DAB1: variants seen among roughly 807,000 people sequenced by gnomAD.
DAB1 encodes the protein disabled homolog 1.
In DAB1, 15 loss-of-function variants were observed where a neutral mutation model predicts 64.6. The ratio of observed to expected loss-of-function variants is 0.23; its 90% confidence interval spans 0.16 to 0.36. The LOEUF (loss-of-function observed/expected upper bound fraction) is 0.36. DAB1 is among the 10% of genes least tolerant of loss of function. DAB1 has a pLI of 1.00. For synonymous variants in DAB1, 235 were observed against 251.9 expected, an observed-to-expected ratio of 0.93 and a Z score of 0.64; for missense variants, 596 against 706.7, an observed-to-expected ratio of 0.84 and a Z score of 1.78.
At position 58,270,594 on chromosome 1, in the gene DAB1, A is replaced by C. The variant is rs1302305060; in HGVS notation, n.309+72758T>G. Reference sequence around the variant, plus strand: ...GGTAGCTTGATGGGGATGGCATTGAATCTGTAAATTACCTTGGGCAGTATG... The same window carrying C: ...GGTAGCTTGATGGGGATGGCATTGACTCTGTAAATTACCTTGGGCAGTATG... On this transcript the variant is annotated intron_variant and non_coding_transcript_variant, in intron 4 of 20. Coordinates refer to the DAB1 transcript ENST00000485760. 1.9e-3 allele frequency among the ~76,000 whole-genome samples: 85 copies of C among 44,098 alleles called. 4 individuals carry two copies. Among genetic ancestry groups the C allele is most frequent in the African/African-American group, 6.9e-3 (79 of 11,388 alleles). 28.9% of individuals were successfully genotyped at this position (44,098 alleles called of 152,430 possible). A position where few individuals can be genotyped will look rare whatever the true frequency, so the allele number is the denominator to read the frequency against.
At chr1:58,250,366 G>A (rs990712300) in intron 4 of DAB1, among the ~76,000 whole-genome samples, 2 of 152,234 alleles carry the variant, frequency 1.3e-5, no homozygotes, top group African/African-American at 2.4e-5. Context: ...CAGGGCGCGC[G>A]GGAGACGCCG....
intron 4 of DAB1, among the ~76,000 whole-genome samples, chr1:57,102,628 C>A (rs1367067655): frequency 1.3e-5 from 2 of 152,130 alleles, no homozygotes; most frequent in East Asian, 3.9e-4. Context: ...CTATTTTCAT[C>A]GAGAAGGCTT....
chr1:58,539,372 T>C (rs1646567965), intron 1 of DAB1: 3 of 697,810 alleles, frequency 4.3e-6, no homozygotes, highest in Non-Finnish European at 7.2e-6. Flanking sequence ...ACTGGGACTA[T>C]AACACTTATT....
chr1:58,488,459 C>T (rs1557437301), intron 3 of DAB1, among the ~76,000 whole-genome samples: 1 of 151,086 alleles, frequency 6.6e-6, no homozygotes, highest in Non-Finnish European at 1.5e-5. Flanking sequence ...AATGTGTAGT[C>T]TTTTTTTTTG....
intron 5 of DAB1, among the ~76,000 whole-genome samples, chr1:58,091,115 C>G (rs1487175968): frequency 6.6e-6 from 1 of 152,184 alleles, no homozygotes; most frequent in Non-Finnish European, 1.5e-5. Context: ...TCCTTAGCCC[C>G]CTCCGGCTCC....
intron 5 of DAB1, among the ~76,000 whole-genome samples, chr1:58,118,596 CT>C (rs60318604): frequency 0.012 from 1,295 of 104,594 alleles, 35 homozygotes; most frequent in East Asian, 0.04. Context: ...ATATAAAATA[CT>C]ATATATATAT....
chr1:57,792,113 G>C (rs1650629506), intron 6 of DAB1, among the ~76,000 whole-genome samples: 1 of 152,124 alleles, frequency 6.6e-6, no homozygotes. Flanking sequence ...GTTGAATGTG[G>C]ACTTGAAAAA....
At chr1:58,391,851 A>C (rs1644478435) in intron 3 of DAB1, among the ~76,000 whole-genome samples, 3 of 152,246 alleles carry the variant, frequency 2.0e-5, no homozygotes, top group Admixed American at 2.0e-4. Context: ...AACTCTGTGA[A>C]TATCCTAAAA....
Position 58,056,169 on chromosome 1 carries a change from C to T in DAB1, n.387+94342G>A, listed in dbSNP as rs373595857. On this transcript the variant is annotated intron_variant and non_coding_transcript_variant, in intron 5 of 20. Transcript: ENST00000485760. The stretch of plus-strand genomic sequence containing the variant: ...TTGGTGGGGGACGTGGGGCAGCACC[C>T]GCAGGTCTAAATCGGGATGGGGGTG... 94 of 1,523,086 alleles carry T rather than the reference C, an allele frequency of 6.2e-5. No individual in the cohort carries two copies. In the African/African-American group the frequency reaches 1.0e-3, roughly 16 times the overall value. 94.3% of individuals were successfully genotyped at this position (1,523,086 alleles called of 1,614,324 possible).
chr1:58,288,019 C>CAAA (rs763850453), intron 4 of DAB1, among the ~76,000 whole-genome samples: 1,217 of 21,908 alleles, frequency 0.056, 103 homozygotes, highest in Non-Finnish European at 0.074. Flanking sequence ...AAGACTGCCT[C>CAAA]AAAAAAAAAA....
At chr1:57,206,445 A>T (rs1665543283) in intron 2 of DAB1, among the ~76,000 whole-genome samples, 2 of 152,224 alleles carry the variant, frequency 1.3e-5, no homozygotes, top group African/African-American at 4.8e-5. Flanking sequence ...GATTCTATTA[A>T]AAAAGGCAGT....
intron 5 of DAB1, among the ~76,000 whole-genome samples, chr1:57,998,162 G>A (rs758740385): frequency 4.6e-5 from 7 of 152,116 alleles, no homozygotes; most frequent in South Asian, 4.1e-4. Context: ...ATAAACACAC[G>A]TAGGTATAGG....
intron 6 of DAB1, among the ~76,000 whole-genome samples, chr1:57,678,067 T>C (rs1646589393): frequency 6.6e-6 from 1 of 152,174 alleles, no homozygotes; most frequent in South Asian, 2.1e-4. Flanking sequence ...AAAAGCTTCC[T>C]AAGTGATTCT....
At chr1:57,630,444 C>T (rs1240741967) in intron 7 of DAB1, among the ~76,000 whole-genome samples, 4 of 152,022 alleles carry the variant, frequency 2.6e-5, no homozygotes, top group Admixed American at 6.6e-5. Flanking sequence ...ATTATTTCTG[C>T]GAGAAAAAAA....
intron 12 of DAB1, among the ~76,000 whole-genome samples, chr1:57,011,538 T>G (rs1360915589): frequency 6.6e-6 from 1 of 152,212 alleles, no homozygotes; most frequent in African/African-American, 2.4e-5. Flanking sequence ...GCAGCAGCAG[T>G]AGCATCTGGG....
intron 6 of DAB1, among the ~76,000 whole-genome samples, chr1:57,717,990 G>T (rs1647105014): frequency 6.6e-6 from 1 of 151,910 alleles, no homozygotes; most frequent in Non-Finnish European, 1.5e-5. Flanking sequence ...ATTGCTCAAG[G>T]GTACAAATTT....
At chr1:57,872,620 C>T (rs775176321) in intron 1 of DAB1, among the ~76,000 whole-genome samples, 8 of 152,076 alleles carry the variant, frequency 5.3e-5, no homozygotes, top group South Asian at 2.1e-4. Context: ...TCAAGGGGTC[C>T]GCAGTCCCCA....
chr1:58,004,746 T>C (rs2100413356), intron 5 of DAB1, among the ~76,000 whole-genome samples: 1 of 152,272 alleles, frequency 6.6e-6, no homozygotes. Flanking sequence ...CCCTGTTTTC[T>C]CATGATCATT....
chr1:57,377,966 T>A (rs1277753495), intron 1 of DAB1, among the ~76,000 whole-genome samples: 1 of 152,182 alleles, frequency 6.6e-6, no homozygotes, highest in East Asian at 1.9e-4. Flanking sequence ...TGGCTAGACT[T>A]CAGCAATCCT....
Sources: allele counts gnomAD v4.1 joint callset (sites outside exome capture counted in the v4.1 genomes callset), GRCh38; gene constraint gnomAD v4.1.1; transcripts MANE v1.5; gene names NCBI Gene and HGNC (gene_info 2026-07-23, HGNC 2026-07-21).